Variants in MYBPC1 observed in about 807,000 individuals in gnomAD.
MYBPC1 encodes myosin-binding protein C, slow-type.
MYBPC1 carries 52 observed loss-of-function variants against 147.1 expected under a neutral mutation model. The ratio of observed to expected loss-of-function variants is 0.35; its 90% CI spans 0.28 to 0.45. The LOEUF (loss-of-function observed/expected upper bound fraction) is 0.45, where lower values mean the gene tolerates loss of function less well. MYBPC1 is among the 20% of genes least tolerant of loss of function. MYBPC1 has a pLI of 1.00. For missense variants in MYBPC1, 1,228 were observed against 1,440.3 expected, an observed-to-expected ratio of 0.85 and a Z score of 2.39; for synonymous variants, 477 against 475.9, an observed-to-expected ratio of 1.00 and a Z score of -0.03.
downstream of MYBPC1, among the ~76,000 whole-genome samples, chr12:101,687,070 TA>T (rs1463103637): frequency 3.4e-4 from 52 of 151,982 alleles, 2 homozygotes; most frequent in Middle Eastern, 3.4e-3. Context: ...ATTGTTTTTA[TA>T]TATATATATA....
At chr12:101,614,423 C>T in intron 1 of MYBPC1, 73 bp from the exon 2 acceptor site, 2 of 1,566,566 alleles carry the variant, frequency 1.3e-6, no homozygotes, top group Non-Finnish European at 8.8e-7. Context: ...GCAGAAGCTG[C>T]CTGGGGCTGT....
intron 1 of MYBPC1, among the ~76,000 whole-genome samples, chr12:101,605,593 G>A (rs1008162082): frequency 1.3e-5 from 2 of 152,316 alleles, no homozygotes; most frequent in Middle Eastern, 3.4e-3. Context: ...GGGCATGGTG[G>A]CTCATGCCTA....
At chr12:101,599,091 C>T (rs1878724512) in intron 1 of MYBPC1, among the ~76,000 whole-genome samples, 1 of 152,158 alleles carries the variant, frequency 6.6e-6, no homozygotes, top group Non-Finnish European at 1.5e-5. Flanking sequence ...TTCTCATGTT[C>T]CGTGTAAGAT....
chr12:101,658,000 C>CG (rs1782734694), intron 18 of MYBPC1, among the ~76,000 whole-genome samples: 1 of 151,890 alleles, frequency 6.6e-6, no homozygotes, highest in African/African-American at 2.4e-5. Flanking sequence ...GGCGTGGTGG[C>CG]TGCGCCTGTA....
chr12:101,636,362 T>C (rs573248223), intron 9 of MYBPC1, among the ~76,000 whole-genome samples: 3 of 152,348 alleles, frequency 2.0e-5, no homozygotes, highest in South Asian at 4.1e-4. Context: ...CAAAGTACTT[T>C]GTGTTGCTTG....
In MYBPC1 at chr12:101,641,566, T is replaced by C. The variant is rs541880852; in HGVS notation, c.666-853T>C. 4.6e-5 allele frequency among the ~76,000 whole-genome samples: 7 copies of C among 152,354 alleles called. No individual in the cohort carries two copies. The East Asian group carries it at 1.3e-3, about 29-fold the overall frequency. On this transcript the variant is annotated intron_variant, in intron 10 of 31. Coordinates refer to ENST00000361466, the MANE Select transcript of MYBPC1 (RefSeq NM_002465.4). ...CAATGATCAAAAGTTGGGGTCATAA[T>C]TTTGGTATGCACCCTAAGAAGTTAC... is the stretch of plus-strand genomic sequence containing the variant.
intron 8 of MYBPC1, among the ~76,000 whole-genome samples, chr12:101,633,989 C>T (rs890897631): frequency 3.3e-5 from 5 of 151,702 alleles, no homozygotes; most frequent in Non-Finnish European, 2.9e-5. Flanking sequence ...CTCCGCCTCC[C>T]GGGTTCACGC....
chr12:101,671,495 C>T (rs182136768), intron 24 of MYBPC1, among the ~76,000 whole-genome samples: 1 of 152,308 alleles, frequency 6.6e-6, no homozygotes, highest in African/African-American at 2.4e-5. Flanking sequence ...GTACTACATA[C>T]CCCCGGCATG....
the MYBPC1 span, among the ~76,000 whole-genome samples, chr12:101,691,619 A>G: frequency 1.3e-5 from 2 of 152,350 alleles, no homozygotes; most frequent in Admixed American, 1.3e-4. Context: ...CTCCTTTGGG[A>G]AAGGAATACA....
the MYBPC1 span, among the ~76,000 whole-genome samples, chr12:101,693,168 G>T: frequency 2.0e-5 from 3 of 151,954 alleles, no homozygotes; most frequent in South Asian, 2.1e-4. Context: ...GGATGGTCTC[G>T]ATCTCCTGAC....
chr12:101,644,678 C>A lies in MYBPC1; in HGVS notation c.847C>A (p.Leu283Ile), dbSNP rs1439080612. The A allele has an allele frequency of 1.9e-6, 3 of 1,613,748 alleles. No homozygotes were observed. In the South Asian group the frequency reaches 3.3e-5, roughly 18 times the overall value. ...EKKSAAFAKI[L>I]DPAYQVDKGG... ...TATTCTATCAGCTTTTGCAAAAATT[C>A]TTGATCCTGCATATCAGGTTGACAA... Residue 283 changes from leucine to isoleucine, a missense_variant, in exon 12 of 32, where the codon CTT becomes ATT. By Grantham distance (5) the Leu-to-Ile change is conservative. This residue lies in a region of MYBPC1 where 1,077 missense variants were observed against 1,314.2 expected (regional missense o/e 0.82). Coordinates refer to ENST00000361466, the MANE Select transcript of MYBPC1 (RefSeq NM_002465.4).
intron 21 of MYBPC1, among the ~76,000 whole-genome samples, chr12:101,663,150 C>G (rs768151721): frequency 2.8e-4 from 42 of 152,218 alleles, no homozygotes; most frequent in Middle Eastern, 6.8e-3. Context: ...ATCATTAGAT[C>G]CCAAACCTTG....
At chr12:101,647,118 A>G in intron 13 of MYBPC1, 1 of 540,622 alleles carries the variant, frequency 1.8e-6, no homozygotes, top group South Asian at 2.1e-5. Flanking sequence ...AAAAATAATT[A>G]TTCTAGTTAT....
downstream of MYBPC1, among the ~76,000 whole-genome samples, chr12:101,690,772 T>C (rs1426010571): frequency 6.6e-6 from 1 of 152,156 alleles, no homozygotes; most frequent in African/African-American, 2.4e-5. Context: ...GTCCAGGAAA[T>C]TAAGCATTTT....
At chr12:101,627,007 G>A in intron 4 of MYBPC1, 97 bp downstream of exon 4, 2 of 1,156,888 alleles carry the variant, frequency 1.7e-6, no homozygotes, top group South Asian at 1.2e-5. Flanking sequence ...CTGAGTCAGT[G>A]CACAGAGCAG....
chr12:101,639,550 T>C (rs1412444502), intron 10 of MYBPC1, among the ~76,000 whole-genome samples: 2 of 152,236 alleles, frequency 1.3e-5, no homozygotes, highest in South Asian at 4.1e-4. Flanking sequence ...TCATTGGTGT[T>C]CTTATATGAA....
chr12:101,674,458 C>A (rs1899415997), intron 25 of MYBPC1, among the ~76,000 whole-genome samples: 1 of 151,712 alleles, frequency 6.6e-6, no homozygotes. Flanking sequence ...ACGTACCTGC[C>A]CAAAAAATAA....
At chr12:101,640,275 G>A (rs762190893) in intron 10 of MYBPC1, among the ~76,000 whole-genome samples, 8 of 152,130 alleles carry the variant, frequency 5.3e-5, no homozygotes, top group Non-Finnish European at 1.2e-4. Context: ...GCCTCCTAAA[G>A]TGCTGGGATT....
At chr12:101,654,051 A>C (rs1397632875) in intron 18 of MYBPC1, among the ~76,000 whole-genome samples, 1 of 152,034 alleles carries the variant, frequency 6.6e-6, no homozygotes, top group Non-Finnish European at 1.5e-5. Context: ...TAAAAATACA[A>C]AAAAATTAGC....
Sources: allele counts gnomAD v4.1 joint callset (sites outside exome capture counted in the v4.1 genomes callset), GRCh38; gene constraint gnomAD v4.1.1; regional missense constraint gnomAD v4.1.1; transcripts MANE v1.5; gene names NCBI Gene and HGNC (gene_info 2026-07-23, HGNC 2026-07-21).